Variants in APBA1 observed in about 807,000 individuals in gnomAD.
APBA1 encodes the protein amyloid-beta A4 precursor protein-binding family A member 1.
A neutral mutation model predicts 86.6 loss-of-function variants in APBA1; 55 were observed. That is an observed-to-expected ratio of 0.64 (90% CI 0.51 to 0.80). The LOEUF is 0.80. APBA1 is among the 30% of genes least tolerant of loss of function. The probability of loss-of-function intolerance (pLI) is 0.00; values close to 1 mark genes in which losing one functional copy is unlikely to be tolerated. For missense variants in APBA1, 1,090 were observed against 1,183.0 expected, an observed-to-expected ratio of 0.92 and a Z score of 1.15; for synonymous variants, 511 against 493.9, an observed-to-expected ratio of 1.03 and a Z score of -0.46.
Position 69,671,031 on chromosome 9 carries a change from C to T in APBA1, c.-70+1122G>A, listed in dbSNP as rs544620788. Among the ~76,000 whole-genome samples, 6 of 152,180 alleles carry T rather than the reference C, an allele frequency of 3.9e-5. 1 individual carries two copies. The South Asian group carries it at 1.2e-3, about 32-fold the overall frequency. ...TTCTTCTTTTTAAAAGACCGCCCCC[C>T]GCCCCACCGCATCTCTCTATACGTA... On this transcript the variant is annotated intron_variant, in intron 1 of 12. Transcript: ENST00000265381.
At chr9:69,571,174 A>C (rs1462106066) in intron 1 of APBA1, among the ~76,000 whole-genome samples, 1 of 152,238 alleles carries the variant, frequency 6.6e-6, no homozygotes, top group African/African-American at 2.4e-5. Flanking sequence ...TACCTGTTGA[A>C]TGAATGCATG....
At chr9:69,485,377 C>T (rs1334051328) in intron 2 of APBA1, among the ~76,000 whole-genome samples, 1 of 152,046 alleles carries the variant, frequency 6.6e-6, no homozygotes, top group Non-Finnish European at 1.5e-5. Flanking sequence ...TTGTCCATTA[C>T]GTCCAACTTC....
chr9:69,473,841 T>C (rs891897739), intron 3 of APBA1, among the ~76,000 whole-genome samples: 1 of 152,178 alleles, frequency 6.6e-6, no homozygotes, highest in Non-Finnish European at 1.5e-5. Context: ...TCTGGGGTAG[T>C]AAATTTTTTT....
At chr9:69,434,292 C>T (rs1382091507) in intron 11 of APBA1, among the ~76,000 whole-genome samples, 2 of 152,144 alleles carry the variant, frequency 1.3e-5, no homozygotes, top group African/African-American at 4.8e-5. Flanking sequence ...CTGCATGTCA[C>T]AGAAACACTG....
At position 69,428,210 on chromosome 9, in the gene APBA1, AGGG is replaced by A. The variant is rs1161993212; in HGVS notation, c.*3114_*3116del. 2 of 152,116 alleles carry A rather than the reference AGGG, an allele frequency of 1.3e-5. No homozygotes were observed. The highest frequency in any genetic ancestry group is 4.8e-5 in the African/African-American group (2 of 41,334). 9.4% of individuals were successfully genotyped at this position (152,116 alleles called of 1,614,324 possible). On this transcript the variant is annotated 3_prime_UTR_variant, in exon 13 of 13. Coordinates refer to ENST00000265381, the MANE Select transcript of APBA1 (RefSeq NM_001163.4). Reference sequence around the variant, plus strand: ...GGGAGGTGTTGGTGCCCACAGGGTGAGGGGGGCAGAGGAGCGATGGGGGAGGTA... The same window carrying A: ...GGGAGGTGTTGGTGCCCACAGGGTGAGGGCAGAGGAGCGATGGGGGAGGTA...
At chr9:69,596,177 C>G (rs962945538) in intron 1 of APBA1, among the ~76,000 whole-genome samples, 24 of 152,078 alleles carry the variant, frequency 1.6e-4, no homozygotes, top group Middle Eastern at 3.2e-3. Flanking sequence ...TCTGTAGAGA[C>G]AGTCTCGGTA....
intron 12 of APBA1, 26 bp downstream of exon 12, chr9:69,432,510 C>T (rs1375855216): frequency 2.0e-6 from 3 of 1,491,028 alleles, no homozygotes; most frequent in Non-Finnish European, 2.7e-6. Context: ...CCCTCAGCAC[C>T]ACCCTCAGCC....
At chr9:69,519,440 A>G (rs1213021176) in intron 1 of APBA1, among the ~76,000 whole-genome samples, 1 of 152,232 alleles carries the variant, frequency 6.6e-6, no homozygotes, top group Non-Finnish European at 1.5e-5. Flanking sequence ...TCAATTCAAT[A>G]CAACACATGG....
chr9:69,516,530 G>C lies in APBA1; in HGVS notation c.681C>G (p.Arg227=). 1 of 1,594,848 alleles carries C rather than the reference G, an allele frequency of 6.3e-7. No homozygotes were observed. The highest frequency in any genetic ancestry group is 1.1e-5 in the South Asian group (1 of 90,498). Reference sequence around the variant, plus strand: ...GCAGCCGCGCGCCCAGGGCCTCCTGGCGGTACGCGGCCGCCTCGTCGCGCT... The same window carrying C: ...GCAGCCGCGCGCCCAGGGCCTCCTGCCGGTACGCGGCCGCCTCGTCGCGCT... ...EQERDEAAAY[R]QEALGARLHH... is the part of the protein sequence containing the mutation. The change falls in exon 2 of 13, where the codon CGC becomes CGG. Residue 227 remains arginine, a synonymous_variant. Transcript: ENST00000265381. The surrounding 1 kb of genome is among the most constrained non-coding windows in gnomAD (Gnocchi z 7.3).
intron 1 of APBA1, among the ~76,000 whole-genome samples, chr9:69,576,674 G>A (rs996977962): frequency 4.6e-5 from 7 of 152,132 alleles, no homozygotes; most frequent in African/African-American, 1.4e-4. Context: ...CATGGACACA[G>A]GAAGGGGAAC....
At chr9:69,636,934 A>AAG (rs1823186239) in intron 1 of APBA1, among the ~76,000 whole-genome samples, 2 of 41,156 alleles carry the variant, frequency 4.9e-5, no homozygotes, top group Non-Finnish European at 1.4e-4. Flanking sequence ...AAAGAAAGAA[A>AAG]GAAAGAAAGA....
At chr9:69,494,100 G>C (rs1835757237) in intron 2 of APBA1, among the ~76,000 whole-genome samples, 1 of 152,016 alleles carries the variant, frequency 6.6e-6, no homozygotes, top group Non-Finnish European at 1.5e-5. Flanking sequence ...TTTCTTTAAT[G>C]TGGTGAAGTA....
intron 1 of APBA1, among the ~76,000 whole-genome samples, chr9:69,523,477 G>A (rs12115283): frequency 5.3e-4 from 43 of 80,610 alleles, no homozygotes; most frequent in South Asian, 4.3e-3. Context: ...ATATATATAT[G>A]TATATATATA....
intron 5 of APBA1, chr9:69,463,731 G>A (rs991212760): frequency 1.3e-5 from 2 of 152,160 alleles, no homozygotes; most frequent in East Asian, 1.9e-4. Flanking sequence ...GGGACAAAAC[G>A]GGGGTCCCTG....
intron 5 of APBA1, chr9:69,461,193 A>G (rs1835185562): frequency 6.6e-6 from 1 of 152,224 alleles, no homozygotes; most frequent in Non-Finnish European, 1.5e-5. Flanking sequence ...AAATTAGGGT[A>G]GCAGAAAGGG....
At chr9:69,515,981 C>T in intron 2 of APBA1, 30 bp downstream of exon 2, 1 of 1,498,536 alleles carries the variant, frequency 6.7e-7, no homozygotes, top group South Asian at 1.3e-5. Flanking sequence ...CCGCGTGGGG[C>T]CGAGGAAGCC....
chr9:69,494,120 C>T (rs1835757488), intron 2 of APBA1, among the ~76,000 whole-genome samples: 1 of 152,012 alleles, frequency 6.6e-6, no homozygotes, highest in African/African-American at 2.4e-5. Flanking sequence ...AGAAAGTTAT[C>T]ACGGCATTGT....
chr9:69,540,565 C>T (rs1184298199), intron 1 of APBA1, among the ~76,000 whole-genome samples: 1 of 152,142 alleles, frequency 6.6e-6, no homozygotes, highest in Non-Finnish European at 1.5e-5. Context: ...CAACCACTAC[C>T]TACTCTCTGC....
chr9:69,516,486 G>T lies in APBA1; in HGVS notation c.725C>A (p.Ser242Tyr). The change falls in exon 2 of 13, where the codon TCC becomes TAC. Residue 242 changes from serine (S) to tyrosine (Y), a missense_variant. Ser to Tyr is a moderately radical substitution (Grantham distance 144). Around this residue, in one of 6 missense-constraint regions of APBA1, gnomAD observed 678 missense variants for 647.1 expected, o/e 1.05. Coordinates refer to ENST00000265381, the MANE Select transcript of APBA1 (RefSeq NM_001163.4). The surrounding 1 kb of genome is among the most constrained non-coding windows in gnomAD (Gnocchi z 7.3). Reference protein sequence around the residue: ...GARLHHYDERSDGESDSPEKE... With the variant: ...GARLHHYDERYDGESDSPEKE... ...CTCGGGGCTGTCGGACTCGCCGTCGGAGCGCTCGTCGTAATGGTGCAGCCG... is the reference window on the plus strand; with the variant it reads ...CTCGGGGCTGTCGGACTCGCCGTCGTAGCGCTCGTCGTAATGGTGCAGCCG... 6.3e-7 allele frequency: 1 copy of T among 1,599,626 alleles called. No homozygotes were observed. Among genetic ancestry groups the T allele is most frequent in the Non-Finnish European group, 8.5e-7 (1 of 1,178,258 alleles).
Sources: allele counts gnomAD v4.1 joint callset (sites outside exome capture counted in the v4.1 genomes callset), GRCh38; gene constraint gnomAD v4.1.1; regional missense constraint gnomAD v4.1.1; non-coding constraint Gnocchi (gnomAD v3.1); transcripts MANE v1.5; gene names NCBI Gene and HGNC (gene_info 2026-07-23, HGNC 2026-07-21).